The following MYO1H variants were observed in gnomAD, a reference collection of about 807,000 sequenced individuals.
The protein encoded by MYO1H is myosin IH, also known as unconventional myosin-Ih.
In MYO1H, 118 loss-of-function variants were observed where a neutral mutation model predicts 149.3. The ratio of observed to expected loss-of-function variants is 0.79; its 90% CI spans 0.68 to 0.92. The LOEUF is 0.92. MYO1H is among the 40% of genes least tolerant of loss of function. The pLI, the probability that MYO1H is intolerant of heterozygous loss-of-function variation, is 0.00. For synonymous variants in MYO1H, 447 were observed against 465.2 expected, an observed-to-expected ratio of 0.96 and a Z score of 0.50; for missense variants, 1,212 against 1,280.7, an observed-to-expected ratio of 0.95 and a Z score of 0.82.
chr12:109,440,863 G>GGTGGGT (rs1007694125), intron 25 of MYO1H, 36 bp downstream of exon 25: 2 of 1,460,832 alleles, frequency 1.4e-6, no homozygotes, highest in African/African-American at 2.8e-5. Context: ...CGGTGGTGGG[G>GGTGGGT]GTGGGTGTAA....
At chr12:109,312,535 CTAGAAGTTCAGTTTTAT>C in the MYO1H span, among the ~76,000 whole-genome samples, 1 of 152,078 alleles carries the variant, frequency 6.6e-6, no homozygotes, top group Non-Finnish European at 1.5e-5. Context: ...ACGGCCCGGC[CTAGAAGTTCAGTTTTAT>C]TATCAGGTCA....
chr12:109,310,828 G>C, the MYO1H span, among the ~76,000 whole-genome samples: 1 of 152,178 alleles, frequency 6.6e-6, no homozygotes, highest in Non-Finnish European at 1.5e-5. Flanking sequence ...GGAGGAAAAA[G>C]ATGTAGTTTA....
At chr12:109,401,071 C>A (rs779019100) in intron 5 of MYO1H, 22 bp from the exon 6 acceptor site, 2 of 1,606,758 alleles carry the variant, frequency 1.2e-6, no homozygotes, top group Non-Finnish European at 1.7e-6. Flanking sequence ...GTCACTGCTG[C>A]AATTTTTGTT....
intron 2 of MYO1H, among the ~76,000 whole-genome samples, chr12:109,390,578 A>G (rs1014742057): frequency 2.0e-5 from 3 of 151,978 alleles, no homozygotes; most frequent in African/African-American, 7.2e-5. Flanking sequence ...TAATGTTGAA[A>G]TCTAGGAATA....
At chr12:109,397,382 A>C (rs1357537186) in intron 4 of MYO1H, among the ~76,000 whole-genome samples, 3 of 152,106 alleles carry the variant, frequency 2.0e-5, no homozygotes, top group Non-Finnish European at 4.4e-5. Context: ...CTTTGAGCAG[A>C]GCAACGGTGG....
chr12:109,439,299 G>T (rs561533373), intron 23 of MYO1H, among the ~76,000 whole-genome samples: 1 of 152,118 alleles, frequency 6.6e-6, no homozygotes, highest in African/African-American at 2.4e-5. Context: ...GGCTAGTCTC[G>T]AATTCTTGAC....
At chr12:109,374,698 A>G (rs1198849356) in intron 1 of MYO1H, among the ~76,000 whole-genome samples, 2 of 152,200 alleles carry the variant, frequency 1.3e-5, no homozygotes, top group Admixed American at 1.3e-4. Flanking sequence ...AAGTAATTGT[A>G]CCAATTTACA....
At position 109,446,988 on chromosome 12, in the gene MYO1H, G is replaced by C. The variant is rs1006819799; in HGVS notation, c.3094-171G>C. 8.9e-6 allele frequency: 6 copies of C among 673,004 alleles called. No individual in the cohort carries two copies. The East Asian group carries it at 1.4e-4, about 15-fold the overall frequency. 41.7% of individuals were successfully genotyped at this position (673,004 alleles called of 1,614,324 possible). On this transcript the variant is annotated intron_variant, in intron 31 of 31. Coordinates refer to ENST00000310903, the Ensembl canonical transcript of MYO1H. ...CTGGTTCTGGCTGAAGAGGCTGACA[G>C]GCCTCGATGAGCCAGTTTCTAAGTC...
At chr12:109,398,157 G>GA (rs1201350382) in intron 5 of MYO1H, among the ~76,000 whole-genome samples, 1 of 152,210 alleles carries the variant, frequency 6.6e-6, no homozygotes, top group African/African-American at 2.4e-5. Context: ...TTAAGAAGCT[G>GA]AAAAAACATA....
the MYO1H span, among the ~76,000 whole-genome samples, chr12:109,318,984 T>TTTTTTTTTTTTTTTTTTTTTTTG: frequency 6.9e-6 from 1 of 145,314 alleles, no homozygotes; most frequent in African/African-American, 2.5e-5. Flanking sequence ...TTTTTTTTTT[T>TTTTTTTTTTTTTTTTTTTTTTTG]TTTTTTTTTT....
the MYO1H span, among the ~76,000 whole-genome samples, chr12:109,330,862 C>T: frequency 6.6e-6 from 1 of 152,130 alleles, no homozygotes; most frequent in South Asian, 2.1e-4. Flanking sequence ...CTTGTGTCGT[C>T]AGACTAAAAA....
chr12:109,371,191 A>G (rs2137015312), intron 1 of MYO1H, among the ~76,000 whole-genome samples: 1 of 145,576 alleles, frequency 6.9e-6, no homozygotes, highest in Non-Finnish European at 1.5e-5. Context: ...ACACACGTAC[A>G]TTGGTTTTCT....
chr12:109,346,016 T>C (rs989189797), upstream of MYO1H, among the ~76,000 whole-genome samples: 2 of 152,200 alleles, frequency 1.3e-5, no homozygotes, highest in Non-Finnish European at 2.9e-5. Context: ...TTGAATTAAA[T>C]AGTGATGATG....
At chr12:109,392,896 G>A (rs753210002) in intron 2 of MYO1H, among the ~76,000 whole-genome samples, 55 of 151,212 alleles carry the variant, frequency 3.6e-4, no homozygotes, top group Non-Finnish European at 6.6e-4. Flanking sequence ...TGCAACCTCC[G>A]CCTCCTGGGT....
At chr12:109,366,784 T>G (rs1331458251) in intron 1 of MYO1H, among the ~76,000 whole-genome samples, 2 of 152,222 alleles carry the variant, frequency 1.3e-5, no homozygotes. Context: ...GGATGTGGGT[T>G]GAATCTCAGC....
chr12:109,339,960 A>G, the MYO1H span, among the ~76,000 whole-genome samples: 3 of 152,322 alleles, frequency 2.0e-5, no homozygotes, highest in African/African-American at 7.2e-5. Flanking sequence ...TTCAACTTAT[A>G]GGAACTCCAT....
At chr12:109,348,853 AT>A (rs1467388299) in intron 1 of MYO1H, among the ~76,000 whole-genome samples, 6 of 152,212 alleles carry the variant, frequency 3.9e-5, no homozygotes, top group African/African-American at 1.4e-4. Context: ...TGTAGTTAGA[AT>A]AATTTCGTAG....
At chr12:109,350,371 A>T (rs560090873) in intron 1 of MYO1H, among the ~76,000 whole-genome samples, 109 of 152,142 alleles carry the variant, frequency 7.2e-4, no homozygotes, top group Non-Finnish European at 1.4e-3. Flanking sequence ...TTATCGAATC[A>T]TGGGGGCAGT....
At chr12:109,341,904 C>A in the MYO1H span, among the ~76,000 whole-genome samples, 1 of 152,104 alleles carries the variant, frequency 6.6e-6, no homozygotes, top group African/African-American at 2.4e-5. Flanking sequence ...GGCTGGCTTT[C>A]TGGGTAGGCT....
Sources: allele counts gnomAD v4.1 joint callset (sites outside exome capture counted in the v4.1 genomes callset), GRCh38; gene constraint gnomAD v4.1.1; transcripts MANE v1.5; gene names NCBI Gene and HGNC (gene_info 2026-07-23, HGNC 2026-07-21).